TMEM63C: variants seen among roughly 807,000 people sequenced by gnomAD.
TMEM63C encodes transmembrane protein 63C.
Under a neutral mutation model 99.2 loss-of-function variants are expected in TMEM63C, and 32 were observed. That is an observed-to-expected ratio of 0.32 (90% CI 0.24 to 0.43). TMEM63C has a LOEUF of 0.43. Ranked by LOEUF, TMEM63C falls within the 20% of genes least tolerant of loss-of-function variation. TMEM63C has a pLI of 1.00. For synonymous variants in TMEM63C, 376 were observed against 397.9 expected (o/e 0.94, Z 0.66); for missense variants, 826 against 1,053.0 (o/e 0.78, Z 2.98).
Position 77,223,637 on chromosome 14 carries a change from G to A in TMEM63C, c.313-1787G>A, listed in dbSNP as rs192947320. On this transcript the variant is annotated intron_variant, in intron 5 of 23. Coordinates refer to ENST00000298351, the MANE Select transcript of TMEM63C (RefSeq NM_020431.4). ...ATAATGTGTACTCAGGGGAGGGAGT[G>A]TGTGTGTGTGTATGTGTGTGCACAC... Among the ~76,000 whole-genome samples, 1,042 of 151,874 alleles carry A rather than the reference G, an allele frequency of 6.9e-3. 8 individuals carry two copies. The highest frequency in any genetic ancestry group is 0.024 in the African/African-American group (999 of 41,460).
rs764206947 is a variant in TMEM63C at position 77,256,540 on chromosome 14, C to A, written c.2235C>A (p.Thr745=). 3.7e-6 allele frequency: 6 copies of A among 1,613,946 alleles called. No individual in the cohort carries two copies. The highest frequency in any genetic ancestry group is 5.1e-6 in the Non-Finnish European group (6 of 1,179,864). Residue 745 remains threonine (T), a synonymous_variant, in exon 24 of 24, where the codon ACC becomes ACA. Transcript: ENST00000298351. ...ATCCCAAGCAGCTGTATGTGGCCAC[C>A]GTGCTGCAAGAACCGGAGTTGAATC... The part of the protein sequence containing the change: ...STPTSLLYVA[T]VLQEPELNLT...
chr14:77,224,661 C>G (rs1888785523), intron 5 of TMEM63C, among the ~76,000 whole-genome samples: 1 of 151,964 alleles, frequency 6.6e-6, no homozygotes, highest in Non-Finnish European at 1.5e-5. Context: ...CACCCAGAAA[C>G]TCCAGACAGC....
Position 77,238,574 on chromosome 14 carries a change from C to G in TMEM63C, c.652-120C>G, listed in dbSNP as rs45573633. Reference sequence around the variant, plus strand: ...TTTCTTGGCTCTCTCAGCAAGGAGGCACTGGCATCAGCAGCCTGCTGTGAG... The same window carrying G: ...TTTCTTGGCTCTCTCAGCAAGGAGGGACTGGCATCAGCAGCCTGCTGTGAG... On this transcript the variant is annotated intron_variant, in intron 9 of 23. Transcript: ENST00000298351. The G allele has an allele frequency of 6.2e-4, 471 of 755,804 alleles. 1 individual carries two copies. Among genetic ancestry groups the G allele is most frequent in the Non-Finnish European group, 9.3e-4 (420 of 450,800 alleles). The allele number at this position is 755,804 out of a possible 1,614,324, so 46.8% of individuals were successfully genotyped here. A position where few individuals can be genotyped will look rare whatever the true frequency, so the allele number is the denominator to read the frequency against.
intron 21 of TMEM63C, 96 bp from the exon 22 acceptor site, chr14:77,251,693 C>T: frequency 1.0e-6 from 1 of 958,998 alleles, no homozygotes; most frequent in Non-Finnish European, 1.7e-6. Context: ...GGTCAAAGCC[C>T]TTGCAGTGGT....
At chr14:77,215,122 T>C (rs1888557848) in intron 2 of TMEM63C, among the ~76,000 whole-genome samples, 1 of 152,104 alleles carries the variant, frequency 6.6e-6, no homozygotes, top group African/African-American at 2.4e-5. Flanking sequence ...TCTCGTCAAT[T>C]CAAGATCATG....
chr14:77,225,596 A>G, intron 6 of TMEM63C, 135 bp downstream of exon 6: 1 of 827,452 alleles, frequency 1.2e-6, no homozygotes, highest in Non-Finnish European at 1.9e-6. Context: ...ACCTCGGCCC[A>G]TTACCAGTGA....
chr14:77,245,704 G>A (rs1032859368), intron 16 of TMEM63C, among the ~76,000 whole-genome samples: 7 of 152,150 alleles, frequency 4.6e-5, no homozygotes, highest in Admixed American at 2.6e-4. Context: ...CAGATCTCAC[G>A]AGACTTATTC....
In TMEM63C at chr14:77,239,396, A is replaced by T. The variant is rs752667358; in HGVS notation, c.726-16A>T. ...AACCCCACAGGCCGACTCAGCACCC[A>T]TGTTTGTGGCTGCAGCGAGGCCTAT... On this transcript the variant is annotated splice_polypyrimidine_tract_variant and intron_variant, in intron 10 of 23. Transcript: ENST00000298351. The T allele has an allele frequency of 2.5e-6, 4 of 1,613,378 alleles. No individual in the cohort carries two copies. The highest frequency in any genetic ancestry group is 3.4e-6 in the Non-Finnish European group (4 of 1,179,708).
intron 21 of TMEM63C, among the ~76,000 whole-genome samples, chr14:77,250,367 TC>T (rs891933598): frequency 2.6e-4 from 40 of 151,216 alleles, no homozygotes; most frequent in Admixed American, 2.4e-3. Context: ...CCACTGCCCT[TC>T]CCTCAGACAC....
Position 77,252,031 on chromosome 14 carries a change from C to T in TMEM63C, c.2148+133C>T, listed in dbSNP as rs149272762. 6.4e-3 allele frequency: 4,980 copies of T among 777,502 alleles called. 22 individuals are homozygous for T. Among genetic ancestry groups the T allele is most frequent in the Non-Finnish European group, 8.6e-3 (3,894 of 450,392 alleles). The allele number at this position is 777,502 out of a possible 1,614,324, so 48.2% of individuals were successfully genotyped here. A position where few individuals can be genotyped will look rare whatever the true frequency, so the allele number is the denominator to read the frequency against. On this transcript the variant is annotated intron_variant, in intron 22 of 23. Transcript: ENST00000298351. ...CTCGCCTTTGTCTCTGACTGTAGAGCGTGGAGCCCAGTGTGCATGCGTGCA... is the reference window on the plus strand; with the variant it reads ...CTCGCCTTTGTCTCTGACTGTAGAGTGTGGAGCCCAGTGTGCATGCGTGCA...
intron 1 of TMEM63C, among the ~76,000 whole-genome samples, chr14:77,203,238 C>T (rs896425304): frequency 2.7e-5 from 4 of 150,184 alleles, no homozygotes; most frequent in Non-Finnish European, 4.4e-5. Context: ...ATTAGCCGGC[C>T]GGGCATGGTG....
At chr14:77,208,919 G>A (rs1200914212) in intron 1 of TMEM63C, among the ~76,000 whole-genome samples, 2 of 152,198 alleles carry the variant, frequency 1.3e-5, no homozygotes, top group Non-Finnish European at 2.9e-5. Context: ...CCAGCCAGGG[G>A]CAGCGGGATC....
intron 6 of TMEM63C, among the ~76,000 whole-genome samples, chr14:77,230,179 G>A (rs1320339709): frequency 6.7e-6 from 1 of 149,738 alleles, no homozygotes; most frequent in Non-Finnish European, 1.5e-5. Context: ...TCCAGCCTGG[G>A]CAACAGAGCA....
chr14:77,230,347 C>T (rs1054386490), intron 6 of TMEM63C, among the ~76,000 whole-genome samples: 1 of 152,160 alleles, frequency 6.6e-6, no homozygotes, highest in Admixed American at 6.5e-5. Context: ...AACTCTATAG[C>T]TCAGTATTGC....
chr14:77,209,319 C>T (rs1027532946), intron 1 of TMEM63C, among the ~76,000 whole-genome samples: 3 of 152,138 alleles, frequency 2.0e-5, no homozygotes, highest in African/African-American at 7.2e-5. Context: ...ACTTGGTAGC[C>T]AATGTGCGCT....
In TMEM63C at chr14:77,218,239, A is replaced by G. The variant is rs79953649; in HGVS notation, c.-13-562A>G. 4.6e-4 allele frequency among the ~76,000 whole-genome samples: 58 copies of G among 124,858 alleles called. 1 individual carries two copies. The highest frequency in any genetic ancestry group is 1.3e-3 in the South Asian group (5 of 3,870). The allele number at this position is 124,858 out of a possible 152,430, so 81.9% of individuals were successfully genotyped here. ...ATGTACCCACAGAAGTTAAAAAAAA[A>G]AGAGGGGGGTGTTTCTTGAGTCACT... On this transcript the variant is annotated intron_variant, in intron 2 of 23. Coordinates refer to ENST00000298351, the MANE Select transcript of TMEM63C (RefSeq NM_020431.4).
chr14:77,189,702 T>G (rs1888069937), intron 1 of TMEM63C, among the ~76,000 whole-genome samples: 1 of 152,190 alleles, frequency 6.6e-6, no homozygotes, highest in Admixed American at 6.5e-5. Flanking sequence ...TATGGAAAGG[T>G]GCTGACATCT....
chr14:77,192,862 G>T (rs1888134163), intron 1 of TMEM63C, among the ~76,000 whole-genome samples: 1 of 151,774 alleles, frequency 6.6e-6, no homozygotes, highest in African/African-American at 2.4e-5. Flanking sequence ...GGAAGGAGAA[G>T]AAGAACAACA....
At chr14:77,186,801 C>CTGTGTCTGTGTGTGTG (rs1888005363) in intron 1 of TMEM63C, among the ~76,000 whole-genome samples, 2 of 146,372 alleles carry the variant, frequency 1.4e-5, no homozygotes, top group Non-Finnish European at 3.0e-5. Flanking sequence ...GTGTGTGTGT[C>CTGTGTCTGTGTGTGTG]TGTGTGTGTG....
Sources: gnomAD v4.1 joint callset for allele counts (sites outside exome capture counted in the v4.1 genomes callset) on GRCh38, gnomAD v4.1.1 for gene constraint, MANE v1.5 for transcripts, NCBI Gene and HGNC (gene_info 2026-07-23, HGNC 2026-07-21) for gene names.